Variants in SNX13 observed in about 807,000 individuals in gnomAD.
SNX13 encodes sorting nexin 13.
In SNX13, 45 loss-of-function variants were observed where a neutral mutation model predicts 133.6. The observed-to-expected ratio is 0.34, with a 90% CI of 0.27 to 0.43. The LOEUF is 0.43. Among genes scored for constraint, SNX13 ranks in the 20% least tolerant of loss-of-function variants. The probability of loss-of-function intolerance (pLI) is 1.00; values close to 1 mark genes in which losing one functional copy is unlikely to be tolerated. For missense variants in SNX13, 1,032 were observed against 1,145.1 expected (o/e 0.90, Z 1.43); for synonymous variants, 414 against 373.9 (o/e 1.11, Z -1.24).
intron 15 of SNX13, chr7:17,830,926 A>G (rs1788416476): frequency 1.0e-6 from 1 of 984,320 alleles, no homozygotes; most frequent in Non-Finnish European, 1.2e-6. Flanking sequence ...TGCCTTCCAA[A>G]TTTACTCTAA....
chr7:17,816,041 C>T (rs1786617468), intron 19 of SNX13, 141 bp downstream of exon 19: 6 of 853,030 alleles, frequency 7.0e-6, no homozygotes, highest in Admixed American at 6.6e-5. Flanking sequence ...CTGCACGTCA[C>T]ATTTGACATG....
Position 17,886,288 on chromosome 7 carries a change from TG to T in SNX13, c.440+4074del, listed in dbSNP as rs540788918. Among the ~76,000 whole-genome samples, 29 of 151,994 alleles carry T rather than the reference TG, an allele frequency of 1.9e-4. 1 individual carries two copies. In the East Asian group the frequency reaches 5.2e-3, roughly 27 times the overall value. Reference sequence around the variant, plus strand: ...GGCATTAGCATATACCTACTTTCGCTGGGGGGCACAGTGACTCACGCCTGTA... The same window carrying T: ...GGCATTAGCATATACCTACTTTCGCTGGGGGCACAGTGACTCACGCCTGTA... On this transcript the variant is annotated intron_variant, in intron 5 of 25. Transcript: ENST00000428135.
chr7:17,848,541 T>C (rs1790819063), intron 11 of SNX13, among the ~76,000 whole-genome samples: 1 of 152,178 alleles, frequency 6.6e-6, no homozygotes. Context: ...ACACACCTTC[T>C]AGGGCTTTGG....
chr7:17,860,373 T>C (rs996346961), intron 9 of SNX13, among the ~76,000 whole-genome samples: 9 of 152,216 alleles, frequency 5.9e-5, no homozygotes, highest in Admixed American at 3.3e-4. Context: ...TTATATATGA[T>C]GGATGTTAAT....
chr7:17,812,729 A>G (rs759482420), intron 20 of SNX13, among the ~76,000 whole-genome samples: 1 of 152,200 alleles, frequency 6.6e-6, no homozygotes, highest in Non-Finnish European at 1.5e-5. Flanking sequence ...AAAATAGGAA[A>G]GACTTGGAAC....
chr7:17,805,817 T>G (rs1016738690), intron 20 of SNX13, among the ~76,000 whole-genome samples: 12 of 152,286 alleles, frequency 7.9e-5, no homozygotes, highest in East Asian at 1.9e-4. Context: ...GAAGCCTTTT[T>G]TTTGTTTGTT....
intron 5 of SNX13, among the ~76,000 whole-genome samples, chr7:17,876,079 T>G (rs886954065): frequency 1.3e-5 from 2 of 152,230 alleles, no homozygotes; most frequent in Non-Finnish European, 2.9e-5. Flanking sequence ...CCAGTTAAAT[T>G]TGAAGTGAAT....
chr7:17,890,537 T>C, intron 4 of SNX13, 53 bp from the exon 5 acceptor site: 1 of 1,404,000 alleles, frequency 7.1e-7, no homozygotes, highest in Non-Finnish European at 9.6e-7. Context: ...TTTAAAAAGT[T>C]ACAGTGGTAA....
intron 21 of SNX13, 138 bp downstream of exon 21, chr7:17,803,281 T>A (rs1732699110): frequency 1.4e-6 from 1 of 729,442 alleles, no homozygotes; most frequent in African/African-American, 1.8e-5. Flanking sequence ...AGTTCTTTAT[T>A]CTTTATGAGA....
At chr7:17,831,144 G>A (rs377114788) in intron 15 of SNX13, 3 of 984,224 alleles carry the variant, frequency 3.0e-6, no homozygotes, top group South Asian at 4.7e-5. Context: ...GAATTTGGGA[G>A]CAAAATAGGG....
chr7:17,876,573 T>C (rs67452591), intron 5 of SNX13, among the ~76,000 whole-genome samples: 81,847 of 128,950 alleles, frequency 0.63, 25,117 homozygotes, highest in African/African-American at 0.81. Context: ...AGCTATCTCA[T>C]CAAAAAAAAA....
intron 5 of SNX13, among the ~76,000 whole-genome samples, chr7:17,885,192 T>C (rs1383411969): frequency 6.6e-6 from 1 of 150,860 alleles, no homozygotes; most frequent in East Asian, 2.0e-4. Flanking sequence ...TGCCACAACA[T>C]GAATGAACCT....
At chr7:17,855,434 G>GTT (rs1398164700) in intron 9 of SNX13, among the ~76,000 whole-genome samples, 1 of 152,186 alleles carries the variant, frequency 6.6e-6, no homozygotes, top group African/African-American at 2.4e-5. Flanking sequence ...CAATTAGACA[G>GTT]TAAAAGCCAG....
chr7:17,871,568 C>T (rs760715968), intron 8 of SNX13, among the ~76,000 whole-genome samples: 20 of 152,064 alleles, frequency 1.3e-4, no homozygotes, highest in Non-Finnish European at 1.5e-5. Context: ...TTCCTCAGTC[C>T]CCACCCTTTG....
At chr7:17,924,402 C>T (rs1424674240) in intron 1 of SNX13, among the ~76,000 whole-genome samples, 1 of 152,142 alleles carries the variant, frequency 6.6e-6, no homozygotes, top group Non-Finnish European at 1.5e-5. Flanking sequence ...TCTAGAGGCA[C>T]TAGAGAGATG....
intron 20 of SNX13, among the ~76,000 whole-genome samples, chr7:17,806,285 A>T (rs1785288737): frequency 6.6e-6 from 1 of 152,324 alleles, no homozygotes; most frequent in Non-Finnish European, 1.5e-5. Flanking sequence ...ACTTTTTCTA[A>T]AAATTGTTTC....
intron 1 of SNX13, among the ~76,000 whole-genome samples, chr7:17,914,252 A>C (rs1799309173): frequency 6.6e-6 from 1 of 152,180 alleles, no homozygotes. Flanking sequence ...AATGCAATCA[A>C]ACCTATGCCT....
At chr7:17,872,356 T>G (rs1794213789) in intron 8 of SNX13, among the ~76,000 whole-genome samples, 1 of 152,100 alleles carries the variant, frequency 6.6e-6, no homozygotes, top group Non-Finnish European at 1.5e-5. Flanking sequence ...GAAATAATGC[T>G]GAGATTCCAC....
intron 20 of SNX13, among the ~76,000 whole-genome samples, chr7:17,805,244 T>TGTGTGTGTGTGTGC (rs1554304228): frequency 2.8e-5 from 3 of 107,298 alleles, no homozygotes; most frequent in African/African-American, 9.4e-5. Context: ...TGTGTGTGTG[T>TGTGTGTGTGTGTGC]GTGTGTGCGT....
Sources: allele counts gnomAD v4.1 joint callset (sites outside exome capture counted in the v4.1 genomes callset), GRCh38; gene constraint gnomAD v4.1.1; transcripts MANE v1.5; gene names NCBI Gene and HGNC (gene_info 2026-07-23, HGNC 2026-07-21).